The following ANKRD36 variants were observed in gnomAD, a reference collection of about 807,000 sequenced individuals.
ANKRD36 encodes the protein ankyrin repeat domain 36.
In ANKRD36, 179 loss-of-function variants were observed where a neutral mutation model predicts 278.1. The observed-to-expected ratio is 0.64, with a 90% confidence interval of 0.57 to 0.73. ANKRD36 has a LOEUF of 0.73. ANKRD36 is among the 30% of genes least tolerant of loss of function. The pLI is 0.00. For missense variants in ANKRD36, 1,159 were observed against 1,956.7 expected, an observed-to-expected ratio of 0.59 and a Z score of 7.69; for synonymous variants, 320 against 641.1, an observed-to-expected ratio of 0.50 and a Z score of 7.57.
intron 52 of ANKRD36, among the ~76,000 whole-genome samples, chr2:97,207,258 A>G (rs1239907167): frequency 2.0e-5 from 3 of 151,494 alleles, no homozygotes; most frequent in Non-Finnish European, 4.4e-5. Flanking sequence ...ATTATCTACT[A>G]GGTATCAGCA....
chr2:97,132,076 C>G (rs2040326630), intron 6 of ANKRD36, among the ~76,000 whole-genome samples: 1 of 151,754 alleles, frequency 6.6e-6, no homozygotes, highest in African/African-American at 2.4e-5. Context: ...ATCTGCCCGC[C>G]CCAGCCTCCC....
chr2:97,123,923 C>G (rs1282883732), intron 4 of ANKRD36, among the ~76,000 whole-genome samples: 1 of 142,826 alleles, frequency 7.0e-6, no homozygotes, highest in Non-Finnish European at 1.5e-5. Context: ...TTATACACAA[C>G]CATCCTTGAA....
chr2:97,207,086 G>T lies in ANKRD36; in HGVS notation c.3164-725G>T, dbSNP rs146267959. On this transcript the variant is annotated intron_variant, in intron 52 of 75. Coordinates refer to ENST00000420699, the MANE Select transcript of ANKRD36 (RefSeq NM_001354587.1). ...CTAATGCTTGTAGCAGTCTTACTTT[G>T]TATGTGTATGTCAAAATTGATAATT... is the stretch of plus-strand genomic sequence containing the variant. 5.2e-3 allele frequency among the ~76,000 whole-genome samples: 792 copies of T among 151,646 alleles called. 13 individuals carry two copies. Among genetic ancestry groups the T allele is most frequent in the African/African-American group, 0.017 (722 of 41,468 alleles).
intron 22 of ANKRD36, among the ~76,000 whole-genome samples, chr2:97,168,036 G>A (rs79401636): frequency 0.023 from 2,607 of 111,332 alleles, no homozygotes; most frequent in African/African-American, 0.046. Context: ...GCATGTTAGG[G>A]GTTCAAGGAG....
At chr2:97,165,762 A>G (rs917988639) in intron 20 of ANKRD36, among the ~76,000 whole-genome samples, 7 of 152,272 alleles carry the variant, frequency 4.6e-5, no homozygotes, top group Admixed American at 3.9e-4. Context: ...TGCTTTTCTG[A>G]AAACTTTAAA....
chr2:97,202,088 A>T, intron 46 of ANKRD36, 114 bp from the exon 47 acceptor site: 1 of 1,560,168 alleles, frequency 6.4e-7, no homozygotes, highest in Non-Finnish European at 8.6e-7. Flanking sequence ...GAAGCCATGA[A>T]GGCCTATGCT....
intron 67 of ANKRD36, 29 bp downstream of exon 67, chr2:97,224,908 G>C (rs1471536891): frequency 3.3e-6 from 3 of 905,304 alleles, no homozygotes; most frequent in Non-Finnish European, 4.8e-6. Flanking sequence ...TCAAATTTCT[G>C]GTTTAATCTT....
At chr2:97,205,837 A>G (rs62154856) in intron 50 of ANKRD36, 103 bp from the exon 51 acceptor site, 19,861 of 1,400,656 alleles carry the variant, frequency 0.014, 246 homozygotes, top group Non-Finnish European at 0.017. Flanking sequence ...AGCCTATGCT[A>G]ATACAGGCAG....
At chr2:97,211,976 A>T (rs543762083) in intron 58 of ANKRD36, among the ~76,000 whole-genome samples, 184 of 151,998 alleles carry the variant, frequency 1.2e-3, no homozygotes, top group African/African-American at 4.1e-3. Flanking sequence ...ACCATCTGAC[A>T]GCAATTCAAC....
At chr2:97,191,882 TA>T (rs1321590995) in intron 36 of ANKRD36, among the ~76,000 whole-genome samples, 2 of 151,724 alleles carry the variant, frequency 1.3e-5, no homozygotes, top group African/African-American at 4.8e-5. Flanking sequence ...TTGTTGATTT[TA>T]GTTATAGAAA....
At chr2:97,207,742 CTG>C (rs2063262864) in intron 52 of ANKRD36, 67 bp from the exon 53 acceptor site, 8 of 1,541,048 alleles carry the variant, frequency 5.2e-6, no homozygotes, top group South Asian at 3.6e-5. Context: ...GATGCTAACA[CTG>C]TATGAATGTA....
intron 6 of ANKRD36, among the ~76,000 whole-genome samples, chr2:97,137,046 C>G (rs1294296695): frequency 6.6e-6 from 1 of 151,974 alleles, no homozygotes; most frequent in Non-Finnish European, 1.5e-5. Flanking sequence ...AAGTATGTTT[C>G]TAAAGAACTG....
At chr2:97,215,973 A>C (rs1394654123) in intron 62 of ANKRD36, 1 of 292,316 alleles carries the variant, frequency 3.4e-6, no homozygotes, top group Non-Finnish European at 6.1e-6. Flanking sequence ...TGAGGCAGGA[A>C]GGAGAGAAAA....
intron 40 of ANKRD36, 35 bp from the exon 41 acceptor site, chr2:97,196,558 T>A: frequency 6.2e-7 from 1 of 1,603,458 alleles, no homozygotes; most frequent in African/African-American, 1.3e-5. Context: ...GTCATATTTA[T>A]GTATGACTGA....
intron 3 of ANKRD36, among the ~76,000 whole-genome samples, chr2:97,122,195 A>T (rs2037076082): frequency 1.1e-5 from 1 of 91,948 alleles, no homozygotes; most frequent in African/African-American, 2.8e-5. Context: ...ACCCAGAGGA[A>T]ACCTCTACCT....
At chr2:97,128,535 G>A (rs2039215211) in intron 6 of ANKRD36, among the ~76,000 whole-genome samples, 1 of 151,842 alleles carries the variant, frequency 6.6e-6, no homozygotes, top group South Asian at 2.1e-4. Flanking sequence ...TGTAATGTGG[G>A]CTATTGATGT....
At chr2:97,125,713 C>T (rs942162422) in intron 5 of ANKRD36, among the ~76,000 whole-genome samples, 3 of 151,624 alleles carry the variant, frequency 2.0e-5, no homozygotes, top group African/African-American at 4.8e-5. Context: ...GATCTGTTAT[C>T]TATAATAATG....
intron 6 of ANKRD36, among the ~76,000 whole-genome samples, chr2:97,138,330 A>C (rs182833246): frequency 7.9e-5 from 12 of 152,236 alleles, no homozygotes; most frequent in Admixed American, 7.9e-4. Context: ...GTGAACTCCC[A>C]TACACAATTG....
At position 97,209,842 on chromosome 2, in the gene ANKRD36, G is replaced by C. The variant is rs1447590269; in HGVS notation, c.3337G>C (p.Glu1113Gln). The change falls in exon 56 of 76, where the codon GAA becomes CAA. Residue 1113 changes from glutamate to glutamine, a missense_variant. Glu to Gln is a conservative substitution (Grantham distance 29, BLOSUM62 2). Coordinates refer to ENST00000420699, the MANE Select transcript of ANKRD36 (RefSeq NM_001354587.1). ...AGATTCTGTTTTGTATATAGCCAGAGAAAAAAAGGATGGAGAAAAATCTAG... is the reference window on the plus strand; with the variant it reads ...AGATTCTGTTTTGTATATAGCCAGACAAAAAAAGGATGGAGAAAAATCTAG... ...EKDSVLYIAR[E>Q]KKDGEKSRTV... 2 of 1,591,734 alleles carry C rather than the reference G, an allele frequency of 1.3e-6. No homozygotes were observed. Among genetic ancestry groups the C allele is most frequent in the African/African-American group, 2.7e-5 (2 of 73,888 alleles).
Sources: gnomAD v4.1 joint callset for allele counts (sites outside exome capture counted in the v4.1 genomes callset) on GRCh38, gnomAD v4.1.1 for gene constraint, MANE v1.5 for transcripts, NCBI Gene and HGNC (gene_info 2026-07-23, HGNC 2026-07-21) for gene names.